Variants in LAMA1 observed in about 807,000 individuals in gnomAD.
LAMA1 encodes laminin subunit alpha-1.
Under a neutral mutation model 348.7 loss-of-function variants are expected in LAMA1, and 219 were observed. That is an observed-to-expected ratio of 0.63 (90% CI 0.56 to 0.70). LAMA1 has a LOEUF of 0.70. Among genes scored for constraint, LAMA1 ranks in the 30% least tolerant of loss-of-function variants. The pLI, the probability that LAMA1 is intolerant of heterozygous loss-of-function variation, is 0.00. For synonymous variants in LAMA1, 1,487 were observed against 1,491.0 expected (o/e 1.00, Z 0.06); for missense variants, 3,744 against 3,888.0 (o/e 0.96, Z 0.99).
At chr18:7,036,576 G>C (rs1206321930) in intron 12 of LAMA1, among the ~76,000 whole-genome samples, 2 of 151,996 alleles carry the variant, frequency 1.3e-5, no homozygotes, top group Non-Finnish European at 2.9e-5. Context: ...TCTTTCTGAT[G>C]GGTATATGAC....
intron 48 of LAMA1, among the ~76,000 whole-genome samples, chr18:6,969,700 C>A (rs899321611): frequency 3.9e-5 from 6 of 152,138 alleles, no homozygotes; most frequent in African/African-American, 1.4e-4. Context: ...GTGGCCAGCC[C>A]TCCGTCAAAA....
rs190044903 is a variant in LAMA1 at position 7,053,690 on chromosome 18, C to T, written c.346-2754G>A. ...GAGAAGGAATTACCTCTCCAAAAAC[C>T]CCAGGCCTTCTGCAAGTACTTCCAG... is the stretch of plus-strand genomic sequence containing the variant. On this transcript the variant is annotated intron_variant, in intron 3 of 62. Transcript: ENST00000389658. Among the ~76,000 whole-genome samples the T allele has an allele frequency of 5.3e-5, 8 of 152,290 alleles. No homozygotes were observed. The East Asian group carries it at 1.5e-3, about 29-fold the overall frequency.
At chr18:7,018,848 A>G (rs2057902127) in intron 19 of LAMA1, among the ~76,000 whole-genome samples, 1 of 152,170 alleles carries the variant, frequency 6.6e-6, no homozygotes, top group African/African-American at 2.4e-5. Context: ...ATGGGACATG[A>G]CATGGGAAGG....
At chr18:7,071,372 C>T (rs1271445822) in intron 3 of LAMA1, among the ~76,000 whole-genome samples, 8 of 152,146 alleles carry the variant, frequency 5.3e-5, no homozygotes, top group African/African-American at 1.2e-4. Context: ...TCTATAAATT[C>T]CTATATATGT....
intron 1 of LAMA1, among the ~76,000 whole-genome samples, chr18:7,098,940 C>G (rs1156757598): frequency 6.6e-6 from 1 of 152,032 alleles, no homozygotes; most frequent in Non-Finnish European, 1.5e-5. Flanking sequence ...AGCCCCTCTG[C>G]CCGGCCACCA....
intron 44 of LAMA1, 137 bp from the exon 45 acceptor site, chr18:6,976,217 T>A: frequency 1.3e-6 from 1 of 794,708 alleles, no homozygotes. Context: ...ATGGTTCATG[T>A]TTCATGAAGT....
At chr18:6,953,241 C>T (rs1160536891) in intron 57 of LAMA1, among the ~76,000 whole-genome samples, 2 of 152,258 alleles carry the variant, frequency 1.3e-5, no homozygotes, top group Non-Finnish European at 2.9e-5. Flanking sequence ...GCCATGGGCC[C>T]ATTGGTCACT....
At chr18:6,999,360 A>T (rs2057796911) in intron 32 of LAMA1, 85 bp downstream of exon 32, 1 of 1,309,182 alleles carries the variant, frequency 7.6e-7, no homozygotes, top group Admixed American at 1.8e-5. Context: ...TATTCTGCAG[A>T]CACTTTAGCG....
rs775082079 is a variant in LAMA1 at position 7,008,507 on chromosome 18, G to C, written c.4103C>G (p.Thr1368Ser). ...CCGTACCTGACATGAGAATCCCACAGTGCCAGGAGGACAGACACAATTCTC... is the reference window on the plus strand; with the variant it reads ...CCGTACCTGACATGAGAATCCCACACTGCCAGGAGGACAGACACAATTCTC... ...LLENCVCPPG[T>S]VGFSCQDCAP... is the part of the protein sequence containing the mutation. The change falls in exon 28 of 63, where the codon ACT becomes AGT. Residue 1368 changes from threonine (T) to serine (S), a missense_variant. Transcript: ENST00000389658. The C allele has an allele frequency of 2.0e-5, 32 of 1,613,946 alleles. No individual in the cohort carries two copies. The highest frequency in any genetic ancestry group is 2.6e-5 in the Non-Finnish European group (31 of 1,179,980).
intron 19 of LAMA1, among the ~76,000 whole-genome samples, chr18:7,020,280 C>A (rs969215200): frequency 3.3e-5 from 5 of 152,122 alleles, no homozygotes; most frequent in Non-Finnish European, 7.4e-5. Flanking sequence ...AGGAGGTGAA[C>A]CTGACGATCA....
Position 6,995,342 on chromosome 18 carries a change from A to G in LAMA1, c.4896+15T>C. ...GGACCAGGAGGAAGGTTGGTTGGTT[A>G]TGGAAAGAATTTACCTTCTTTTGCA... On this transcript the variant is annotated intron_variant, in intron 34 of 62. Transcript: ENST00000389658. 1 of 1,590,906 alleles carries G rather than the reference A, an allele frequency of 6.3e-7. No homozygotes were observed. The highest frequency in any genetic ancestry group is 8.6e-7 in the Non-Finnish European group (1 of 1,158,820).
intron 1 of LAMA1, among the ~76,000 whole-genome samples, chr18:7,110,211 T>C (rs982101383): frequency 1.3e-5 from 2 of 148,228 alleles, no homozygotes; most frequent in Admixed American, 1.3e-4. Flanking sequence ...AAAAAGCGGC[T>C]AGTTACACTA....
intron 19 of LAMA1, among the ~76,000 whole-genome samples, chr18:7,018,955 C>T (rs1411662958): frequency 2.0e-5 from 3 of 152,072 alleles, no homozygotes; most frequent in South Asian, 4.2e-4. Context: ...ATGCTGCAGT[C>T]CCACGAGAGG....
At chr18:6,967,693 C>T (rs567384443) in intron 48 of LAMA1, among the ~76,000 whole-genome samples, 1 of 152,148 alleles carries the variant, frequency 6.6e-6, no homozygotes, top group Non-Finnish European at 1.5e-5. Context: ...GATTAAAGTA[C>T]CTTGTTCAAG....
chr18:7,107,468 C>T (rs1023041617), intron 1 of LAMA1, among the ~76,000 whole-genome samples: 4 of 151,962 alleles, frequency 2.6e-5, no homozygotes, highest in Admixed American at 2.6e-4. Flanking sequence ...ACTTCAAAAA[C>T]AAATACACTA....
intron 1 of LAMA1, among the ~76,000 whole-genome samples, chr18:7,111,472 T>C (rs2143836955): frequency 6.6e-6 from 1 of 152,332 alleles, no homozygotes; most frequent in Non-Finnish European, 1.5e-5. Flanking sequence ...GAAGATTCTG[T>C]GCTATTTATT....
chr18:6,990,437 T>C (rs1453392971), intron 36 of LAMA1, among the ~76,000 whole-genome samples: 3 of 151,890 alleles, frequency 2.0e-5, no homozygotes, highest in Non-Finnish European at 2.9e-5. Context: ...CCAACTCAGA[T>C]GTGTGGGGGG....
Position 7,037,640 on chromosome 18 carries a change from C to T in LAMA1, c.1675G>A (p.Val559Ile), listed in dbSNP as rs16951079. The change falls in exon 12 of 63, where the codon GTC becomes ATC. Residue 559 changes from valine to isoleucine, a missense_variant. By Grantham distance (29) the Val-to-Ile change is conservative (BLOSUM62 3). Around this residue, in one of 3 missense-constraint regions of LAMA1, gnomAD observed 1,529 missense variants for 1,689.4 expected, o/e 0.91. Transcript: ENST00000389658. ...RHQVSINNTAVMQRLAPKYYW... is the reference protein window; with the variant it reads ...RHQVSINNTAIMQRLAPKYYW... The stretch of plus-strand genomic sequence containing the variant: ...TACTTGGGAGCCAGTCTCTGCATGA[C>T]CGCGGTGTTGTTGATGCTGACCTGA... The T allele has an allele frequency of 2.0e-3, 3,279 of 1,614,178 alleles. 55 individuals are homozygous for T. In the African/African-American group the frequency reaches 0.037, roughly 18 times the overall value.
intron 14 of LAMA1, among the ~76,000 whole-genome samples, chr18:7,033,981 C>A (rs904039016): frequency 1.3e-5 from 2 of 152,102 alleles, no homozygotes; most frequent in African/African-American, 4.8e-5. Context: ...TGCAATCCAC[C>A]TGCCTCGGCC....
Sources: gnomAD v4.1 joint callset for allele counts (sites outside exome capture counted in the v4.1 genomes callset) on GRCh38, gnomAD v4.1.1 for gene constraint, gnomAD v4.1.1 regional missense constraint, MANE v1.5 for transcripts, NCBI Gene and HGNC (gene_info 2026-07-23, HGNC 2026-07-21) for gene names.